HMGN5: variants seen among roughly 807,000 people sequenced by gnomAD.
HMGN5 encodes high mobility group nucleosome-binding domain-containing protein 5.
In HMGN5, 4 loss-of-function variants were observed where a neutral mutation model predicts 9.5. The ratio of observed to expected loss-of-function variants is 0.42; its 90% CI spans 0.21 to 0.96. The LOEUF is 0.96. HMGN5 is among the 40% of genes least tolerant of loss of function. HMGN5 has a pLI of 0.30. For missense variants in HMGN5, 192 were observed against 187.5 expected, an observed-to-expected ratio of 1.02 and a Z score of -0.14; for synonymous variants, 55 against 57.1, an observed-to-expected ratio of 0.96 and a Z score of 0.16.
intron 1 of HMGN5, among the ~76,000 whole-genome samples, chrX:81,164,222 A>G (rs1310319718): frequency 8.9e-6 from 1 of 112,074 alleles, no homozygotes; most frequent in Non-Finnish European, 1.9e-5. Context: ...TTTTAGTTCA[A>G]TGTATTTATT....
chrX:81,133,939 A>G (rs2075304526), intron 1 of HMGN5, among the ~76,000 whole-genome samples: 1 of 111,557 alleles, frequency 9.0e-6, no homozygotes. Context: ...GTTTCAAATA[A>G]ATTTTTAAAT....
chrX:81,131,789 CTTGAA>C (rs1469007755), intron 1 of HMGN5, among the ~76,000 whole-genome samples: 1 of 111,389 alleles, frequency 9.0e-6, no homozygotes, highest in Non-Finnish European at 1.9e-5. Flanking sequence ...AATTATTCCC[CTTGAA>C]AACTGGCACA....
At chrX:81,135,009 A>G (rs768403403) in intron 1 of HMGN5, among the ~76,000 whole-genome samples, 7 of 111,935 alleles carry the variant, frequency 6.3e-5, no homozygotes, top group African/African-American at 2.3e-4. Context: ...AAGAGTGAAA[A>G]CAATAAAACT....
At chrX:81,139,115 T>C (rs2075320400) in intron 1 of HMGN5, among the ~76,000 whole-genome samples, 1 of 112,183 alleles carries the variant, frequency 8.9e-6, no homozygotes, top group Admixed American at 9.4e-5. Context: ...GACATAAACA[T>C]AGACATATTC....
At chrX:81,132,590 T>C (rs2075300492) in intron 1 of HMGN5, among the ~76,000 whole-genome samples, 1 of 111,556 alleles carries the variant, frequency 9.0e-6, no homozygotes, top group Non-Finnish European at 1.9e-5. Context: ...GAACAATCAA[T>C]AGGGAAAGGA....
At chrX:81,188,342 T>C (rs375025084) in intron 1 of HMGN5, among the ~76,000 whole-genome samples, 14 of 107,739 alleles carry the variant, frequency 1.3e-4, no homozygotes, top group Non-Finnish European at 1.9e-4. Flanking sequence ...CTGCCCAGGC[T>C]GGTCTCGAAC....
At chrX:81,152,970 T>G (rs1263165852) in intron 1 of HMGN5, among the ~76,000 whole-genome samples, 1 of 74,964 alleles carries the variant, frequency 1.3e-5, no homozygotes, top group Admixed American at 2.1e-4. Context: ...ACAGGAAGGG[T>G]AACATCACAC....
chrX:81,153,581 CTCT>C (rs2075372907), intron 1 of HMGN5, among the ~76,000 whole-genome samples: 2 of 9,626 alleles, frequency 2.1e-4, no homozygotes, highest in African/African-American at 7.5e-4. Context: ...CTCTCTCTCT[CTCT>C]ATATATATAT....
At chrX:81,130,971 G>T in intron 1 of HMGN5, among the ~76,000 whole-genome samples, 1 of 111,321 alleles carries the variant, frequency 9.0e-6, no homozygotes. Context: ...TGAAAGTTGG[G>T]TCAGGGAAGA....
chrX:81,160,898 G>T (rs2075396268), intron 1 of HMGN5, among the ~76,000 whole-genome samples: 1 of 111,336 alleles, frequency 9.0e-6, no homozygotes, highest in South Asian at 3.8e-4. Flanking sequence ...TACAACTTTG[G>T]TGTCTTTCAC....
chrX:81,180,863 T>C (rs370819980), intron 1 of HMGN5, among the ~76,000 whole-genome samples: 1 of 111,966 alleles, frequency 8.9e-6, no homozygotes, highest in East Asian at 2.8e-4. Context: ...TGGAATACTA[T>C]GCAGCCATAA....
At chrX:81,174,952 A>G (rs73631726) in intron 1 of HMGN5, among the ~76,000 whole-genome samples, 2,131 of 111,308 alleles carry the variant, frequency 0.019, 46 homozygotes, top group African/African-American at 0.065. Context: ...CAAGCTGTAC[A>G]AGGTAGGGGG....
At chrX:81,158,442 T>C (rs959537778) in intron 1 of HMGN5, among the ~76,000 whole-genome samples, 2 of 112,622 alleles carry the variant, frequency 1.8e-5, no homozygotes, top group Non-Finnish European at 3.7e-5. Context: ...CTTTATTTCA[T>C]ATGTTTGTTG....
chrX:81,170,607 C>T (rs1235016401), intron 1 of HMGN5, among the ~76,000 whole-genome samples: 1 of 110,920 alleles, frequency 9.0e-6, no homozygotes, highest in Non-Finnish European at 1.9e-5. Context: ...ATCAATGATC[C>T]TTCAAATGCT....
chrX:81,197,512 A>C (rs1026676786), intron 1 of HMGN5, among the ~76,000 whole-genome samples: 1 of 111,728 alleles, frequency 9.0e-6, no homozygotes, highest in African/African-American at 3.3e-5. Context: ...AATTTAAAAT[A>C]TTGGAAGGTA....
intron 1 of HMGN5, among the ~76,000 whole-genome samples, chrX:81,193,449 G>A (rs772365661): frequency 1.8e-5 from 2 of 112,232 alleles, no homozygotes; most frequent in Non-Finnish European, 3.8e-5. Flanking sequence ...TCCAGCTGAC[G>A]TCCTAATTAC....
intron 1 of HMGN5, among the ~76,000 whole-genome samples, chrX:81,174,577 C>T (rs1254093896): frequency 3.6e-5 from 4 of 111,324 alleles, no homozygotes; most frequent in Non-Finnish European, 5.7e-5. Flanking sequence ...GAATAAAATA[C>T]ATCTACTTCT....
At chrX:81,176,866 T>C (rs952921958) in intron 1 of HMGN5, among the ~76,000 whole-genome samples, 5 of 111,480 alleles carry the variant, frequency 4.5e-5, no homozygotes, top group African/African-American at 1.6e-4. Context: ...CTGCAGGATA[T>C]TGTCCAGGAG....
chrX:81,180,499 G>T (rs1602580411), intron 1 of HMGN5, among the ~76,000 whole-genome samples: 2 of 112,287 alleles, frequency 1.8e-5, no homozygotes, highest in African/African-American at 6.5e-5. Flanking sequence ...ACCACAGTGA[G>T]ATACCATCTT....
Sources: allele counts gnomAD v4.1 joint callset (sites outside exome capture counted in the v4.1 genomes callset), GRCh38; gene constraint gnomAD v4.1.1; transcripts MANE v1.5; gene names NCBI Gene and HGNC (gene_info 2026-07-23, HGNC 2026-07-21).